The following SERPINB12 variants were observed in gnomAD, a reference collection of about 807,000 sequenced individuals.
The protein encoded by SERPINB12 is serpin family B member 12, also known as serpin B12.
In SERPINB12, 57 loss-of-function variants were observed where a neutral mutation model predicts 41.1. That is an observed-to-expected ratio of 1.39 (90% CI 1.12 to 1.73). The LOEUF (loss-of-function observed/expected upper bound fraction) is 1.73, where lower values mean the gene tolerates loss of function less well. Among genes scored for constraint, SERPINB12 ranks in the 40% most tolerant of loss-of-function variants. The pLI, the probability that SERPINB12 is intolerant of heterozygous loss-of-function variation, is 0.00. For synonymous variants in SERPINB12, 180 were observed against 181.3 expected (o/e 0.99, Z 0.06); for missense variants, 536 against 501.9 (o/e 1.07, Z -0.65).
chr18:63,565,483 C>A lies in SERPINB12; in HGVS notation c.744C>A (p.Gly248=), dbSNP rs1484545266. The A allele has an allele frequency of 6.8e-6, 11 of 1,613,830 alleles. No individual in the cohort carries two copies. The highest frequency in any genetic ancestry group is 8.5e-6 in the Non-Finnish European group (10 of 1,179,868). ...NKSVKMMTQK[G]LYRIGFIEEV... ...GTGTGAAGATGATGACGCAAAAAGG[C>A]CTCTACAGAATTGGCTTCATAGAGG... Residue 248 remains glycine, a synonymous_variant, in exon 7 of 8, where the codon GGC becomes GGA. Coordinates refer to ENST00000382768, the MANE Select transcript of SERPINB12 (RefSeq NM_001307928.2).
chr18:63,552,152 A>G (rs1463704613), intron 1 of SERPINB12, among the ~76,000 whole-genome samples: 1 of 152,222 alleles, frequency 6.6e-6, no homozygotes, highest in East Asian at 1.9e-4. Flanking sequence ...TGTGCATGCC[A>G]TGATGTGAAT....
the SERPINB12 span, among the ~76,000 whole-genome samples, chr18:63,524,534 C>CCCG: frequency 2.0e-5 from 3 of 152,102 alleles, no homozygotes; most frequent in African/African-American, 7.2e-5. Context: ...AAGTGATCCA[C>CCCG]CCGCTTCAGC....
intron 4 of SERPINB12, 128 bp from the exon 5 acceptor site, chr18:63,560,957 C>T: frequency 1.5e-6 from 1 of 680,184 alleles, no homozygotes; most frequent in Non-Finnish European, 2.6e-6. Flanking sequence ...ACTGTCAGGC[C>T]TGTCCATGAA....
the SERPINB12 span, among the ~76,000 whole-genome samples, chr18:63,534,528 C>T: frequency 5.9e-5 from 9 of 152,308 alleles, no homozygotes; most frequent in East Asian, 1.7e-3. Flanking sequence ...AAAAGCTAGA[C>T]TCTGCTGATA....
intron 1 of SERPINB12, among the ~76,000 whole-genome samples, chr18:63,554,920 G>T (rs1482574400): frequency 2.0e-5 from 3 of 152,182 alleles, no homozygotes; most frequent in Non-Finnish European, 4.4e-5. Flanking sequence ...GAATTCTCAT[G>T]AGATCTGATG....
chr18:63,565,683 T>C lies in SERPINB12; in HGVS notation c.873+71T>C. 7.5e-6 allele frequency: 10 copies of C among 1,336,054 alleles called. No homozygotes were observed. The Middle Eastern group carries it at 1.6e-3, about 208-fold the overall frequency. The allele number at this position is 1,336,054 out of a possible 1,614,324, so 82.8% of individuals were successfully genotyped here. ...CTTTAGAGAACAACACTGTCTACTA[T>C]CTACCATCTCGAGGAAATTCAGTAC... is the stretch of plus-strand genomic sequence containing the variant. On this transcript the variant is annotated intron_variant, in intron 7 of 7. Transcript: ENST00000382768.
chr18:63,524,016 A>G, the SERPINB12 span, among the ~76,000 whole-genome samples: 1 of 152,226 alleles, frequency 6.6e-6, no homozygotes, highest in Non-Finnish European at 1.5e-5. Flanking sequence ...TTAAATAGGG[A>G]AATTAAATGG....
intron 6 of SERPINB12, 60 bp downstream of exon 6, chr18:63,564,180 A>G (rs898559228): frequency 3.2e-6 from 5 of 1,542,670 alleles, no homozygotes; most frequent in Middle Eastern, 1.7e-4. Context: ...ACTAGGAATG[A>G]TTTACAATAT....
At chr18:63,535,182 G>A in the SERPINB12 span, among the ~76,000 whole-genome samples, 1 of 152,168 alleles carries the variant, frequency 6.6e-6, no homozygotes, top group East Asian at 1.9e-4. Flanking sequence ...ATCATTAGTG[G>A]ATGCTAACAT....
the SERPINB12 span, among the ~76,000 whole-genome samples, chr18:63,534,717 C>T: frequency 8.5e-5 from 13 of 152,066 alleles, no homozygotes; most frequent in African/African-American, 2.9e-4. Context: ...TCTCTGTAGC[C>T]GTCAGTACTT....
intron 5 of SERPINB12, among the ~76,000 whole-genome samples, chr18:63,563,524 G>T (rs1021750874): frequency 6.6e-6 from 1 of 152,156 alleles, no homozygotes; most frequent in Non-Finnish European, 1.5e-5. Context: ...CTTACCTCCA[G>T]CCAGGACTGT....
At chr18:63,533,327 G>T in the SERPINB12 span, among the ~76,000 whole-genome samples, 370 of 152,290 alleles carry the variant, frequency 2.4e-3, 1 homozygote, top group African/African-American at 8.6e-3. Flanking sequence ...TTGGGAATGT[G>T]TAAGAAGGTT....
the SERPINB12 span, among the ~76,000 whole-genome samples, chr18:63,532,518 A>G: frequency 2.6e-5 from 4 of 152,132 alleles, no homozygotes; most frequent in Admixed American, 2.6e-4. Context: ...GTATTATGTG[A>G]TGTAGCCCTG....
In SERPINB12 at chr18:63,569,228, T is replaced by C. The variant is rs1388260991; in HGVS notation, c.*2217T>C. On this transcript the variant is annotated 3_prime_UTR_variant, in exon 8 of 8. Coordinates refer to ENST00000382768, the MANE Select transcript of SERPINB12 (RefSeq NM_001307928.2). ...ACAATAATGAGGAAAATTAAGAATC[T>C]TAAATCTTTATGTAAATCAGTAAAC... is the stretch of plus-strand genomic sequence containing the variant. Among the ~76,000 whole-genome samples, 1 of 152,214 alleles carries C rather than the reference T, an allele frequency of 6.6e-6. No individual in the cohort carries two copies. Among genetic ancestry groups the C allele is most frequent in the African/African-American group, 2.4e-5 (1 of 41,460 alleles).
intron 2 of SERPINB12, among the ~76,000 whole-genome samples, chr18:63,557,436 TC>T (rs1910715546): frequency 6.6e-6 from 1 of 152,138 alleles, no homozygotes. Context: ...AACTACAAGT[TC>T]CCATGGTTGG....
chr18:63,550,282 ACTT>A (rs1910490840), intron 1 of SERPINB12, among the ~76,000 whole-genome samples: 1 of 152,164 alleles, frequency 6.6e-6, no homozygotes, highest in Non-Finnish European at 1.5e-5. Context: ...TCAAACAATA[ACTT>A]CTTTGTGTGG....
chr18:63,540,843 A>G (rs1252192223), upstream of SERPINB12, among the ~76,000 whole-genome samples: 1 of 152,132 alleles, frequency 6.6e-6, no homozygotes, highest in Admixed American at 6.6e-5. Context: ...TTATGATTGG[A>G]ATTTTAAAAT....
At chr18:63,522,138 T>G in the SERPINB12 span, among the ~76,000 whole-genome samples, 1 of 152,210 alleles carries the variant, frequency 6.6e-6, no homozygotes, top group African/African-American at 2.4e-5. Flanking sequence ...ATTTACATAG[T>G]GTGACAAGAG....
At position 63,567,100 on chromosome 18, in the gene SERPINB12, A is replaced by G; in HGVS notation, c.*89A>G. On this transcript the variant is annotated 3_prime_UTR_variant, in exon 8 of 8. Coordinates refer to ENST00000382768, the MANE Select transcript of SERPINB12 (RefSeq NM_001307928.2). ...TAAGATGGGCATTTGAGTTTTTGGT[A>G]ATATCTAAAGCATCTCCTTCATCCT... The G allele has an allele frequency of 7.7e-7, 1 of 1,297,102 alleles. No individual in the cohort carries two copies. The highest frequency in any genetic ancestry group is 1.5e-5 in the South Asian group (1 of 68,088). 80.3% of individuals were successfully genotyped at this position (1,297,102 alleles called of 1,614,324 possible).
Sources: gnomAD v4.1 joint callset for allele counts (sites outside exome capture counted in the v4.1 genomes callset) on GRCh38, gnomAD v4.1.1 for gene constraint, MANE v1.5 for transcripts, NCBI Gene and HGNC (gene_info 2026-07-23, HGNC 2026-07-21) for gene names.